The following ARHGAP45 variants were observed in gnomAD, a reference collection of about 807,000 sequenced individuals.
ARHGAP45 encodes the protein Rho GTPase activating protein 45.
In ARHGAP45, 56 loss-of-function variants were observed where a neutral mutation model predicts 116.1. The ratio of observed to expected loss-of-function variants is 0.48; its 90% confidence interval spans 0.39 to 0.60. The LOEUF (loss-of-function observed/expected upper bound fraction) is 0.60. Among genes scored for constraint, ARHGAP45 ranks in the 20% least tolerant of loss-of-function variants. The pLI, the probability that ARHGAP45 is intolerant of heterozygous loss-of-function variation, is 0.00. For missense variants in ARHGAP45, 1,622 were observed against 1,601.0 expected (o/e 1.01, Z -0.22); for synonymous variants, 866 against 701.7 (o/e 1.23, Z -3.70).
Position 1,077,905 on chromosome 19 carries a change from C to T in ARHGAP45, c.1234C>T (p.Arg412Cys). ...LRKAKQGYVQRCEDHDKARFL... is the reference protein window; with the variant it reads ...LRKAKQGYVQCCEDHDKARFL... The stretch of plus-strand genomic sequence containing the variant: ...CAAGGCCAAGCAGGGTTACGTGCAG[C>T]GCTGCGAGGACCACGACAAGGCTCG... Residue 412 changes from arginine (R) to cysteine (C), a missense_variant, in exon 11 of 23, where the codon CGC becomes TGC. Arg to Cys is a radical substitution (Grantham distance 180). This residue lies in a region of ARHGAP45 where 1,334 missense variants were observed against 1,263.8 expected (regional missense o/e 1.06). Coordinates refer to ENST00000313093, the MANE Select transcript of ARHGAP45 (RefSeq NM_012292.5). The T allele has an allele frequency of 1.3e-6, 2 of 1,554,152 alleles. No individual in the cohort carries two copies. Among genetic ancestry groups the T allele is most frequent in the African/African-American group, 1.4e-5 (1 of 73,250 alleles).
rs2043132544 is a variant in ARHGAP45 at position 1,071,157 on chromosome 19, C to T, written c.422-1992C>T. On this transcript the variant is annotated intron_variant, in intron 2 of 22. Coordinates refer to ENST00000313093, the MANE Select transcript of ARHGAP45 (RefSeq NM_012292.5). The surrounding 1 kb of genome is among the most constrained non-coding windows in gnomAD (Gnocchi z 4.6). ...AGGACCCAGGCTGGGGCGAACGGGACCCCAGGGCGGGGTTTCCCTCGCGGG... is the reference window on the plus strand; with the variant it reads ...AGGACCCAGGCTGGGGCGAACGGGATCCCAGGGCGGGGTTTCCCTCGCGGG... 3.8e-6 allele frequency: 5 copies of T among 1,310,754 alleles called. No individual in the cohort carries two copies. Among genetic ancestry groups the T allele is most frequent in the Admixed American group, 3.9e-5 (1 of 25,634 alleles). The allele number at this position is 1,310,754 out of a possible 1,614,324, so 81.2% of individuals were successfully genotyped here. A position where few individuals can be genotyped will look rare whatever the true frequency, so the allele number is the denominator to read the frequency against.
intron 2 of ARHGAP45, 67 bp from the exon 3 acceptor site, chr19:1,073,082 A>G: frequency 6.6e-7 from 1 of 1,506,584 alleles, no homozygotes. Context: ...CTAAAGAGGG[A>G]GGAGGTGGAC....
At position 1,069,240 on chromosome 19, in the gene ARHGAP45, G is replaced by A. The variant is rs2043094915; in HGVS notation, c.421+496G>A. On this transcript the variant is annotated intron_variant, in intron 2 of 22. Coordinates refer to ENST00000313093, the MANE Select transcript of ARHGAP45 (RefSeq NM_012292.5). The surrounding 1 kb of genome is among the most constrained non-coding windows in gnomAD (Gnocchi z 4.1). ...GAGAGAGATTCAGGAGGCATGGCGA[G>A]GGGCAGGATGGGGTCATCAGGCGGC... Among the ~76,000 whole-genome samples the A allele has an allele frequency of 6.6e-6, 1 of 152,178 alleles. No homozygotes were observed. Among genetic ancestry groups the A allele is most frequent in the Non-Finnish European group, 1.5e-5 (1 of 68,016 alleles).
In ARHGAP45 at chr19:1,080,550, G is replaced by A. The variant is rs765992661; in HGVS notation, c.1912+3G>A. On this transcript the variant is annotated splice_donor_region_variant and intron_variant, in intron 15 of 22. Transcript: ENST00000313093. Reference sequence around the variant, plus strand: ...GCTGGACCCCGGCCCTGGCGCAGGTGAGGGAGGCTCTCTGGCGGGCTGGGG... The same window carrying A: ...GCTGGACCCCGGCCCTGGCGCAGGTAAGGGAGGCTCTCTGGCGGGCTGGGG... 7.4e-6 allele frequency: 12 copies of A among 1,612,628 alleles called. No individual in the cohort carries two copies. The East Asian group carries it at 2.5e-4, about 33-fold the overall frequency.
rs773364539 is a variant in ARHGAP45 at position 1,081,660 on chromosome 19, C to G, written c.2301C>G (p.Ala767=). ...QLFGQDFSHA[A]RSAPDGVPFI... ...TCGGCCAGGACTTCAGCCACGCGGC[C>G]CGCAGCGCCCCCGACGGCGTGCCCT... Residue 767 remains alanine, a synonymous_variant, in exon 18 of 23, where the codon GCC becomes GCG. Coordinates refer to ENST00000313093, the MANE Select transcript of ARHGAP45 (RefSeq NM_012292.5). 1.3e-6 allele frequency: 2 copies of G among 1,583,074 alleles called. No homozygotes were observed. Among genetic ancestry groups the G allele is most frequent in the African/African-American group, 2.7e-5 (2 of 74,160 alleles).
rs1160549660 is a variant in ARHGAP45 at position 1,074,785 on chromosome 19, C to G, written c.1105-14C>G. ...TGTCACCGGGGTACCCACTCACGGC[C>G]CGTCTCGCCCCAGCCCCTGACCCTG... On this transcript the variant is annotated splice_polypyrimidine_tract_variant and intron_variant, in intron 9 of 22. Coordinates refer to ENST00000313093, the MANE Select transcript of ARHGAP45 (RefSeq NM_012292.5). The G allele has an allele frequency of 6.2e-7, 1 of 1,600,758 alleles. No homozygotes were observed.
At chr19:1,073,431 G>T in intron 3 of ARHGAP45, 75 bp from the exon 4 acceptor site, 2 of 1,569,366 alleles carry the variant, frequency 1.3e-6, no homozygotes, top group Non-Finnish European at 8.7e-7. Context: ...TGGGTTAAGG[G>T]CTCCGGTCAG....
intron 19 of ARHGAP45, 23 bp downstream of exon 19, chr19:1,081,984 A>G: frequency 6.3e-7 from 1 of 1,598,786 alleles, no homozygotes; most frequent in Non-Finnish European, 8.5e-7. Flanking sequence ...GGTGGTGGCC[A>G]GGCAGAGCCT....
rs776535961 is a variant in ARHGAP45 at position 1,081,675 on chromosome 19, C to G, written c.2316C>G (p.Asp772Glu). The G allele has an allele frequency of 1.9e-6, 3 of 1,586,048 alleles. No homozygotes were observed. The highest frequency in any genetic ancestry group is 2.6e-6 in the Non-Finnish European group (3 of 1,166,980). Reference protein sequence around the residue: ...DFSHAARSAPDGVPFIVKKCV... With the variant: ...DFSHAARSAPEGVPFIVKKCV... ...GCCACGCGGCCCGCAGCGCCCCCGA[C>G]GGCGTGCCCTTCATCGTCAAGAAGT... Residue 772 changes from aspartate (D) to glutamate (E), a missense_variant, in exon 18 of 23, where the codon GAC (aspartate) becomes GAG (glutamate). By Grantham distance (45) the Asp-to-Glu change is conservative. Transcript: ENST00000313093.
chr19:1,075,559 A>C (rs2043230376), intron 10 of ARHGAP45, among the ~76,000 whole-genome samples: 1 of 151,722 alleles, frequency 6.6e-6, no homozygotes, highest in South Asian at 2.1e-4. Context: ...TCCTGCCTGT[A>C]TTCTCTTCCC....
In ARHGAP45 at chr19:1,083,181, G is replaced by A. The variant is rs778506484; in HGVS notation, c.2783G>A (p.Gly928Glu). ...EVEQDNKMTP[G>E]NLGIVFGPTL... ...GAGCAGGACAACAAGATGACCCCCG[G>A]GAACCTGGGCATCGTGTTCGGGCCC... Residue 928 changes from glycine (G) to glutamate (E), a missense_variant, in exon 21 of 23, where the codon GGG becomes GAG. Transcript: ENST00000313093. The A allele has an allele frequency of 2.5e-6, 4 of 1,610,984 alleles. No homozygotes were observed. In the African/African-American group the frequency reaches 5.3e-5, roughly 22 times the overall value.
Position 1,083,176 on chromosome 19 carries a change from C to A in ARHGAP45, c.2778C>A (p.Thr926=), listed in dbSNP as rs766078875. The change falls in exon 21 of 23, where the codon ACC becomes ACA. Residue 926 remains threonine, a synonymous_variant. Coordinates refer to ENST00000313093, the MANE Select transcript of ARHGAP45 (RefSeq NM_012292.5). ...AGGTGGAGCAGGACAACAAGATGAC[C>A]CCCGGGAACCTGGGCATCGTGTTCG... ...IVEVEQDNKM[T]PGNLGIVFGP... is the part of the protein sequence containing the mutation. 2 of 1,610,772 alleles carry A rather than the reference C, an allele frequency of 1.2e-6. No individual in the cohort carries two copies. Among genetic ancestry groups the A allele is most frequent in the Non-Finnish European group, 8.5e-7 (1 of 1,179,540 alleles).
intron 5 of ARHGAP45, 24 bp from the exon 6 acceptor site, chr19:1,073,924 C>T: frequency 6.5e-7 from 1 of 1,539,018 alleles, no homozygotes; most frequent in South Asian, 1.2e-5. Context: ...TGGGGCTGGT[C>T]TCACCTGCGT....
Position 1,068,379 on chromosome 19 carries a change from A to T in ARHGAP45, c.91-35A>T. ...ACTGAGGCCGTGTCCAGGCCGGAAA[A>T]TCCCTTTAACGAGCTCCCCTCGGAC... is the stretch of plus-strand genomic sequence containing the variant. On this transcript the variant is annotated intron_variant, in intron 1 of 22. Transcript: ENST00000313093. The surrounding 1 kb of genome is among the most constrained non-coding windows in gnomAD (Gnocchi z 7.5). The T allele has an allele frequency of 6.8e-7, 1 of 1,470,382 alleles. No individual in the cohort carries two copies. The highest frequency in any genetic ancestry group is 9.0e-7 in the Non-Finnish European group (1 of 1,105,164). The allele number at this position is 1,470,382 out of a possible 1,614,324, so 91.1% of individuals were successfully genotyped here.
At chr19:1,072,119 T>G (rs561864113) in intron 2 of ARHGAP45, among the ~76,000 whole-genome samples, 7 of 152,230 alleles carry the variant, frequency 4.6e-5, no homozygotes, top group Middle Eastern at 6.8e-3. Flanking sequence ...TGGAGTGCAG[T>G]GGCGCGATCT....
intron 17 of ARHGAP45, 88 bp from the exon 18 acceptor site, chr19:1,081,462 G>GC: frequency 2.7e-6 from 3 of 1,128,772 alleles, no homozygotes; most frequent in African/African-American, 1.7e-5. Flanking sequence ...GGGGCTGTGA[G>GC]CGCCCCGGGG....
At position 1,082,932 on chromosome 19, in the gene ARHGAP45, G is replaced by A. The variant is rs1024656264; in HGVS notation, c.2610G>A (p.Ala870=). Residue 870 remains alanine (A), a synonymous_variant, in exon 20 of 23, where the codon GCG becomes GCA. Coordinates refer to ENST00000313093, the MANE Select transcript of ARHGAP45 (RefSeq NM_012292.5). Reference sequence around the variant, plus strand: ...AGGCAGAGGCCGAGGCCAAGGCGGCGTCCCGGGGCCGGCAGGACGGCTCGG... The same window carrying A: ...AGGCAGAGGCCGAGGCCAAGGCGGCATCCCGGGGCCGGCAGGACGGCTCGG... ...SLKAEAEAKA[A]SRGRQDGSES... 1 of 1,587,678 alleles carries A rather than the reference G, an allele frequency of 6.3e-7. No individual in the cohort carries two copies. The highest frequency in any genetic ancestry group is 8.6e-7 in the Non-Finnish European group (1 of 1,169,586).
In ARHGAP45 at chr19:1,068,548, T is replaced by A. The variant is rs891034146; in HGVS notation, c.225T>A (p.Ala75=). ...GCCTGAGCCGCCACGCCAGCGCGGC[T>A]GGCTTCCCCCTGTCGGGTGCTGCCT... ...PTSLSRHASA[A]GFPLSGAASW... The change falls in exon 2 of 23, where the codon GCT becomes GCA. Residue 75 remains alanine (A), a synonymous_variant. Transcript: ENST00000313093. The surrounding 1 kb of genome is among the most constrained non-coding windows in gnomAD (Gnocchi z 7.5). 7 of 1,609,282 alleles carry A rather than the reference T, an allele frequency of 4.3e-6. No individual in the cohort carries two copies. In the South Asian group the frequency reaches 7.7e-5, roughly 18 times the overall value.
At chr19:1,082,520 G>T (rs911477242) in intron 19 of ARHGAP45, 1 of 425,312 alleles carries the variant, frequency 2.4e-6, no homozygotes, top group South Asian at 3.6e-5. Context: ...GCTGGGATGG[G>T]AGTGGGACCA....
Sources: gnomAD v4.1 joint callset for allele counts (sites outside exome capture counted in the v4.1 genomes callset) on GRCh38, gnomAD v4.1.1 for gene constraint, gnomAD v4.1.1 regional missense constraint, Gnocchi (gnomAD v3.1) non-coding constraint, MANE v1.5 for transcripts, NCBI Gene and HGNC (gene_info 2026-07-23, HGNC 2026-07-21) for gene names.